Variants in APBA2 observed in about 807,000 individuals in gnomAD.
The protein encoded by APBA2 is amyloid beta precursor protein binding family A member 2.
Under a neutral mutation model 75.0 loss-of-function variants are expected in APBA2, and 30 were observed. The ratio of observed to expected loss-of-function variants is 0.40; its 90% CI spans 0.30 to 0.54. APBA2 has a LOEUF of 0.54. Ranked by LOEUF, APBA2 falls within the 20% of genes least tolerant of loss-of-function variation. The probability of loss-of-function intolerance (pLI) is 0.49; values close to 1 mark genes in which losing one functional copy is unlikely to be tolerated. For synonymous variants in APBA2, 444 were observed against 409.6 expected, an observed-to-expected ratio of 1.08 and a Z score of -1.01; for missense variants, 801 against 1,016.1, an observed-to-expected ratio of 0.79 and a Z score of 2.88.
intron 5 of APBA2, among the ~76,000 whole-genome samples, chr15:29,075,773 A>T (rs1029707581): frequency 1.3e-5 from 2 of 152,028 alleles, no homozygotes; most frequent in African/African-American, 4.8e-5. Context: ...CCCTGGTTGG[A>T]GCGTCATTGT....
intron 2 of APBA2, among the ~76,000 whole-genome samples, chr15:28,949,961 A>C (rs2336911): frequency 0.15 from 22,156 of 152,144 alleles, 2,613 homozygotes; most frequent in African/African-American, 0.33. Flanking sequence ...TCTGCAGTTT[A>C]TTCCAATTTC....
chr15:28,951,881 C>CTTTTTTTTTTTTTTTTTTTTTTTTTTTT (rs71414600), intron 2 of APBA2, among the ~76,000 whole-genome samples: 1 of 109,824 alleles, frequency 9.1e-6, no homozygotes, highest in African/African-American at 3.8e-5. Context: ...TGCACTCAGC[C>CTTTTTTTTTTTTTTTTTTTTTTTTTTTT]TTTTTTTTTT....
chr15:28,964,030 C>T (rs1181891232), intron 2 of APBA2, among the ~76,000 whole-genome samples: 7 of 152,232 alleles, frequency 4.6e-5, no homozygotes, highest in Admixed American at 4.6e-4. Flanking sequence ...TGCACAGTCC[C>T]TCTTCCATCA....
intron 8 of APBA2, among the ~76,000 whole-genome samples, chr15:29,095,631 C>T (rs528191505): frequency 5.3e-5 from 8 of 152,340 alleles, no homozygotes; most frequent in South Asian, 2.1e-4. Flanking sequence ...AGATTTAGTT[C>T]CCCCTCCCTG....
At chr15:28,903,486 A>G (rs1004029411) in intron 1 of APBA2, among the ~76,000 whole-genome samples, 2 of 152,200 alleles carry the variant, frequency 1.3e-5, no homozygotes, top group African/African-American at 4.8e-5. Context: ...GGCCACTGAA[A>G]TGGCCATTTC....
Position 29,054,841 on chromosome 15 carries a change from AC to A in APBA2, c.951+9del. On this transcript the variant is annotated splice_region_variant and intron_variant, in intron 4 of 14. Coordinates refer to ENST00000683413, the MANE Select transcript of APBA2 (RefSeq NM_001353788.2). This position sits in a 1 kb window ranked among gnomAD's most constrained non-coding sequence, Gnocchi z 6.1. ...TGAAGTGGCCCCACGAGCAGGTAGG[AC>A]CCTGGCTGTCCTGGGGAAGGGAGCA... 1 of 1,595,398 alleles carries A rather than the reference AC, an allele frequency of 6.3e-7. No individual in the cohort carries two copies. The highest frequency in any genetic ancestry group is 8.5e-7 in the Non-Finnish European group (1 of 1,177,962).
chr15:29,051,685 A>G (rs2041601586), intron 3 of APBA2, among the ~76,000 whole-genome samples: 3 of 152,308 alleles, frequency 2.0e-5, no homozygotes, highest in South Asian at 2.1e-4. Context: ...TTTGGGCACC[A>G]CTACAAACAA....
intron 6 of APBA2, among the ~76,000 whole-genome samples, chr15:29,081,855 C>T (rs761302754): frequency 2.2e-4 from 33 of 152,212 alleles, no homozygotes; most frequent in African/African-American, 7.0e-4. Flanking sequence ...CTTGTGGCTA[C>T]GCCTTTGTGT....
chr15:29,099,366 G>A lies in APBA2; in HGVS notation c.1338+790G>A, dbSNP rs373778925. ...CCAGAGCAGAATCAGCAAAGCGGAT[G>A]CAGGCTTCCAGAGCCCTCCCCGCAG... On this transcript the variant is annotated intron_variant, in intron 9 of 14. Transcript: ENST00000683413. 3.3e-5 allele frequency among the ~76,000 whole-genome samples: 5 copies of A among 152,344 alleles called. No homozygotes were observed. In the East Asian group the frequency reaches 7.7e-4, roughly 24 times the overall value.
intron 3 of APBA2, among the ~76,000 whole-genome samples, chr15:29,027,841 T>C (rs1458845125): frequency 2.0e-5 from 3 of 152,116 alleles, no homozygotes; most frequent in Non-Finnish European, 2.9e-5. Flanking sequence ...GACCTCATGA[T>C]CCGCCCACCT....
chr15:28,920,131 T>C (rs1017136520), intron 1 of APBA2, among the ~76,000 whole-genome samples: 2 of 152,118 alleles, frequency 1.3e-5, no homozygotes, highest in Non-Finnish European at 2.9e-5. Context: ...ATGGGAGAAG[T>C]GGTCACGAAT....
At chr15:29,067,497 A>C (rs2042428544) in intron 4 of APBA2, among the ~76,000 whole-genome samples, 2 of 152,004 alleles carry the variant, frequency 1.3e-5, no homozygotes, top group Non-Finnish European at 2.9e-5. Flanking sequence ...GGAGTAGGGG[A>C]GCCTCCCCTT....
intron 3 of APBA2, among the ~76,000 whole-genome samples, chr15:29,042,451 G>A (rs1343637164): frequency 6.6e-6 from 1 of 151,878 alleles, no homozygotes; most frequent in Non-Finnish European, 1.5e-5. Context: ...GTAGAGACAG[G>A]GTTTCACTGT....
At position 28,919,701 on chromosome 15, in the gene APBA2, G is replaced by C. The variant is rs572464109; in HGVS notation, c.-204-1939G>C. Among the ~76,000 whole-genome samples the C allele has an allele frequency of 1.7e-4, 26 of 152,330 alleles. 1 individual carries two copies. The South Asian group carries it at 5.2e-3, about 30-fold the overall frequency. ...ATCCTGCAGCTGTCTTGTCCCAGAA[G>C]GGCTGTGTACTTTTGGCCCTGAGGG... On this transcript the variant is annotated intron_variant, in intron 1 of 14. Transcript: ENST00000683413.
chr15:28,924,965 A>G (rs1057237719), intron 2 of APBA2, among the ~76,000 whole-genome samples: 4 of 151,976 alleles, frequency 2.6e-5, no homozygotes, highest in African/African-American at 7.2e-5. Context: ...TGGCCAGTCT[A>G]TGGGTGGGAA....
At chr15:29,111,444 A>G (rs1417475974) in intron 13 of APBA2, among the ~76,000 whole-genome samples, 4 of 152,108 alleles carry the variant, frequency 2.6e-5, no homozygotes, top group Non-Finnish European at 5.9e-5. Flanking sequence ...GATACAGGAC[A>G]GCTCACCCTG....
chr15:28,982,199 C>T (rs1169692165), intron 2 of APBA2, among the ~76,000 whole-genome samples: 1 of 152,136 alleles, frequency 6.6e-6, no homozygotes, highest in Non-Finnish European at 1.5e-5. Flanking sequence ...GCCTTCCCCG[C>T]CCCCCACACT....
chr15:28,985,839 A>G (rs572705439), intron 2 of APBA2, among the ~76,000 whole-genome samples: 3 of 152,306 alleles, frequency 2.0e-5, no homozygotes, highest in African/African-American at 4.8e-5. Flanking sequence ...GGAGAGAGAT[A>G]GAAGACAAAG....
intron 8 of APBA2, among the ~76,000 whole-genome samples, chr15:29,094,830 C>T (rs1879895178): frequency 6.6e-6 from 1 of 151,784 alleles, no homozygotes; most frequent in African/African-American, 2.4e-5. Flanking sequence ...GAGACAGAGG[C>T]AGGAGGATCA....
Sources: gnomAD v4.1 joint callset for allele counts (sites outside exome capture counted in the v4.1 genomes callset) on GRCh38, gnomAD v4.1.1 for gene constraint, Gnocchi (gnomAD v3.1) non-coding constraint, MANE v1.5 for transcripts, NCBI Gene and HGNC (gene_info 2026-07-23, HGNC 2026-07-21) for gene names.